VAV2: variants seen among roughly 807,000 people sequenced by gnomAD.
VAV2 encodes the protein vav guanine nucleotide exchange factor 2, also known as guanine nucleotide exchange factor VAV2.
In VAV2, 67 loss-of-function variants were observed where a neutral mutation model predicts 132.5. The observed-to-expected ratio is 0.51, with a 90% CI of 0.42 to 0.62. The LOEUF (loss-of-function observed/expected upper bound fraction) is 0.62, where lower values mean the gene tolerates loss of function less well. VAV2 is among the 20% of genes least tolerant of loss of function. The pLI, the probability that VAV2 is intolerant of heterozygous loss-of-function variation, is 0.00. For synonymous variants in VAV2, 492 were observed against 443.5 expected (o/e 1.11, Z -1.37); for missense variants, 938 against 1,153.6 (o/e 0.81, Z 2.71).
chr9:133,930,429 G>A (rs565388482), intron 2 of VAV2, among the ~76,000 whole-genome samples: 19 of 113,508 alleles, frequency 1.7e-4, no homozygotes, highest in South Asian at 6.2e-4. Context: ...ACTGTCCTCC[G>A]GCATCCTCAT....
chr9:133,807,406 C>A, intron 7 of VAV2, 80 bp from the exon 8 acceptor site: 1 of 1,450,984 alleles, frequency 6.9e-7, no homozygotes, highest in Non-Finnish European at 9.3e-7. Flanking sequence ...GGGAGGGTCC[C>A]AGGGCAGCTC....
At chr9:133,878,375 C>A (rs1188082160) in intron 2 of VAV2, among the ~76,000 whole-genome samples, 1 of 152,216 alleles carries the variant, frequency 6.6e-6, no homozygotes, top group African/African-American at 2.4e-5. Context: ...CCGAACTGAG[C>A]ACTAAGATTG....
intron 2 of VAV2, among the ~76,000 whole-genome samples, chr9:133,882,880 G>A (rs890256896): frequency 4.6e-5 from 7 of 152,182 alleles, no homozygotes; most frequent in East Asian, 1.9e-4. Context: ...AGCAGGGGGC[G>A]ACAGCTGAGA....
At chr9:133,958,045 T>C (rs1841844914) in intron 1 of VAV2, among the ~76,000 whole-genome samples, 1 of 141,868 alleles carries the variant, frequency 7.0e-6, no homozygotes, top group African/African-American at 2.5e-5. Context: ...TAATCTCAAG[T>C]ACCCAGGGAC....
chr9:133,776,758 G>A (rs1234396377), intron 23 of VAV2, among the ~76,000 whole-genome samples: 6 of 152,264 alleles, frequency 3.9e-5, no homozygotes, highest in East Asian at 1.9e-4. Flanking sequence ...ACAGGCGGAC[G>A]GGACTGGGGC....
chr9:133,812,707 C>T (rs1053368392), intron 4 of VAV2, among the ~76,000 whole-genome samples: 189 of 152,120 alleles, frequency 1.2e-3, no homozygotes, highest in Non-Finnish European at 1.9e-4. Context: ...GCAAAGTTTC[C>T]GGGTACATGG....
At chr9:133,787,376 C>G in intron 15 of VAV2, 116 bp from the exon 16 acceptor site, 1 of 1,227,076 alleles carries the variant, frequency 8.1e-7, no homozygotes, top group Non-Finnish European at 1.1e-6. Context: ...GGAACACCCC[C>G]CAGTGCCCAG....
In VAV2 at chr9:133,992,291, C is replaced by G; in HGVS notation, c.-13G>C. On this transcript the variant is annotated 5_prime_UTR_variant, in exon 1 of 30. Transcript: ENST00000371850. This position sits in a 1 kb window ranked among gnomAD's most constrained non-coding sequence, Gnocchi z 5.5. ...GCCACTGCTCCATGGCGCCCGCGGGCCCGACCGGCTCAGGGCAGTGCTCGA... is the reference window on the plus strand; with the variant it reads ...GCCACTGCTCCATGGCGCCCGCGGGGCCGACCGGCTCAGGGCAGTGCTCGA... The G allele has an allele frequency of 6.6e-7, 1 of 1,522,716 alleles. No individual in the cohort carries two copies. Among genetic ancestry groups the G allele is most frequent in the South Asian group, 1.2e-5 (1 of 80,780 alleles). 94.3% of individuals were successfully genotyped at this position (1,522,716 alleles called of 1,614,324 possible).
At chr9:133,977,043 A>G (rs1842535124) in intron 1 of VAV2, among the ~76,000 whole-genome samples, 1 of 152,208 alleles carries the variant, frequency 6.6e-6, no homozygotes, top group Admixed American at 6.5e-5. Flanking sequence ...GGGAGCGACC[A>G]CGCAGCGAGG....
intron 2 of VAV2, among the ~76,000 whole-genome samples, chr9:133,905,455 C>T (rs1366655096): frequency 8.7e-6 from 1 of 115,314 alleles, no homozygotes; most frequent in Middle Eastern, 4.2e-3. Flanking sequence ...AAAAAAGAAA[C>T]AAAAGAAGAA....
intron 2 of VAV2, among the ~76,000 whole-genome samples, chr9:133,924,704 G>C (rs1840413113): frequency 6.6e-6 from 1 of 152,190 alleles, no homozygotes; most frequent in African/African-American, 2.4e-5. Context: ...TCAGCTCCTG[G>C]GATCCTCATG....
At chr9:133,829,139 G>A (rs772509669) in intron 4 of VAV2, among the ~76,000 whole-genome samples, 11 of 152,236 alleles carry the variant, frequency 7.2e-5, no homozygotes, top group Admixed American at 2.6e-4. Context: ...AAAGGGAAGC[G>A]CAGTGCCTGC....
chr9:133,858,769 G>A (rs1342112750), intron 3 of VAV2, among the ~76,000 whole-genome samples: 1 of 152,216 alleles, frequency 6.6e-6, no homozygotes, highest in Non-Finnish European at 1.5e-5. Context: ...CCACAGCTAA[G>A]CAGGACACAG....
At chr9:133,855,654 C>T (rs978778177) in intron 3 of VAV2, among the ~76,000 whole-genome samples, 2 of 152,236 alleles carry the variant, frequency 1.3e-5, no homozygotes, top group African/African-American at 4.8e-5. Flanking sequence ...TCCCCCCGCA[C>T]ATGGGAAGAC....
chr9:133,787,546 G>A (rs995510096), intron 15 of VAV2, among the ~76,000 whole-genome samples: 2 of 152,178 alleles, frequency 1.3e-5, no homozygotes, highest in African/African-American at 2.4e-5. Context: ...GGGTCTGGAC[G>A]AGGGCTACAC....
At chr9:133,810,073 A>T in intron 6 of VAV2, 118 bp downstream of exon 6, 1 of 1,435,256 alleles carries the variant, frequency 7.0e-7, no homozygotes, top group Non-Finnish European at 9.6e-7. Flanking sequence ...TGTGTGCCTG[A>T]CCATGTCTTC....
At chr9:133,874,915 C>CT (rs1838202876) in intron 2 of VAV2, among the ~76,000 whole-genome samples, 2 of 152,174 alleles carry the variant, frequency 1.3e-5, no homozygotes, top group South Asian at 4.1e-4. Context: ...TGCAAGAGGC[C>CT]TTGGGGGAAA....
rs1836365828 is a variant in VAV2 at position 133,834,074 on chromosome 9, T to G, written c.449+198A>C. ...TATGAAGATCTGCTCATGTCTGAGGTCTCTCAGATGCATGCCTTCCCACTC... is the reference window on the plus strand; with the variant it reads ...TATGAAGATCTGCTCATGTCTGAGGGCTCTCAGATGCATGCCTTCCCACTC... On this transcript the variant is annotated intron_variant, in intron 4 of 29. Transcript: ENST00000371850. This position sits in a 1 kb window ranked among gnomAD's most constrained non-coding sequence, Gnocchi z 5.9. 6.6e-6 allele frequency among the ~76,000 whole-genome samples: 1 copy of G among 152,118 alleles called. No homozygotes were observed. The highest frequency in any genetic ancestry group is 2.4e-5 in the African/African-American group (1 of 41,422).
rs1833297659 is a variant in VAV2, at chr9:133,762,657, C to G, written c.*1405G>C. 1 of 152,926 alleles carries G rather than the reference C, an allele frequency of 6.5e-6. No homozygotes were observed. The highest frequency in any genetic ancestry group is 1.5e-5 in the Non-Finnish European group (1 of 68,620). The allele number at this position is 152,926 out of a possible 1,614,324, so 9.5% of individuals were successfully genotyped here. On this transcript the variant is annotated 3_prime_UTR_variant, in exon 30 of 30. Transcript: ENST00000371850. The surrounding 1 kb of genome is among the most constrained non-coding windows in gnomAD (Gnocchi z 5.0). The stretch of plus-strand genomic sequence containing the variant: ...CTTTGTCGAGGGCCCCTCTCTCCCC[C>G]TGCCGCTCCCCATCCCCATGACTCC...
Sources: allele counts gnomAD v4.1 joint callset (sites outside exome capture counted in the v4.1 genomes callset), GRCh38; gene constraint gnomAD v4.1.1; non-coding constraint Gnocchi (gnomAD v3.1); transcripts MANE v1.5; gene names NCBI Gene and HGNC (gene_info 2026-07-23, HGNC 2026-07-21).